Variants in COL5A2 observed in about 807,000 individuals in gnomAD.
The protein encoded by COL5A2 is collagen alpha-2(V) chain.
Under a neutral mutation model 208.2 loss-of-function variants are expected in COL5A2, and 23 were observed. That is an observed-to-expected ratio of 0.11 (90% CI 0.08 to 0.16). The LOEUF (loss-of-function observed/expected upper bound fraction) is 0.16. Among genes scored for constraint, COL5A2 ranks in the 10% least tolerant of loss-of-function variants. The probability of loss-of-function intolerance (pLI) is 1.00; values close to 1 mark genes in which losing one functional copy is unlikely to be tolerated. For synonymous variants in COL5A2, 625 were observed against 628.5 expected (o/e 0.99, Z 0.08); for missense variants, 1,590 against 1,956.4 (o/e 0.81, Z 3.53).
intron 14 of COL5A2, among the ~76,000 whole-genome samples, chr2:189,079,311 T>C (rs1460437172): frequency 2.0e-5 from 3 of 152,136 alleles, no homozygotes; most frequent in East Asian, 1.9e-4. Context: ...TCTAAAATAA[T>C]ATTGGGGACT....
chr2:189,267,794 T>C, the COL5A2 span, among the ~76,000 whole-genome samples: 1 of 152,170 alleles, frequency 6.6e-6, no homozygotes, highest in Non-Finnish European at 1.5e-5. Context: ...ATAAATGGTT[T>C]ACTAAAAGTC....
chr2:189,406,872 G>T, the COL5A2 span, among the ~76,000 whole-genome samples: 1 of 152,058 alleles, frequency 6.6e-6, no homozygotes, highest in Admixed American at 6.6e-5. Flanking sequence ...CACTGAGAGA[G>T]ATGGAGATGT....
chr2:189,271,546 C>A, the COL5A2 span, among the ~76,000 whole-genome samples: 1 of 151,990 alleles, frequency 6.6e-6, no homozygotes, highest in East Asian at 1.9e-4. Flanking sequence ...GACCTAAAAC[C>A]ATAAAAACCC....
intron 1 of COL5A2, among the ~76,000 whole-genome samples, chr2:189,146,891 T>G (rs1033769587): frequency 6.6e-6 from 1 of 152,144 alleles, no homozygotes; most frequent in African/African-American, 2.4e-5. Context: ...CTCTAAAATT[T>G]GACACATCAG....
intron 1 of COL5A2, among the ~76,000 whole-genome samples, chr2:189,139,408 A>C (rs922580096): frequency 6.6e-6 from 1 of 152,168 alleles, no homozygotes; most frequent in Non-Finnish European, 1.5e-5. Context: ...AAAATCATAC[A>C]CATCCTAATT....
the COL5A2 span, among the ~76,000 whole-genome samples, chr2:189,334,340 T>C: frequency 2.6e-5 from 4 of 151,956 alleles, no homozygotes; most frequent in African/African-American, 7.2e-5. Context: ...TTATGGTATA[T>C]GAATAAAACT....
At chr2:189,178,856 A>G (rs1039693255) in intron 1 of COL5A2, among the ~76,000 whole-genome samples, 1 of 152,152 alleles carries the variant, frequency 6.6e-6, no homozygotes, top group Non-Finnish European at 1.5e-5. Context: ...TCAAGCCAGT[A>G]GGGTGGGAAA....
chr2:189,437,105 T>C, the COL5A2 span, among the ~76,000 whole-genome samples: 2 of 152,148 alleles, frequency 1.3e-5, no homozygotes, highest in Admixed American at 1.3e-4. Flanking sequence ...CGCTACTGAT[T>C]ATAAGCAGAA....
chr2:189,192,577 C>T (rs1688944639), intron 1 of COL5A2, among the ~76,000 whole-genome samples: 1 of 152,132 alleles, frequency 6.6e-6, no homozygotes, highest in South Asian at 2.1e-4. Flanking sequence ...TGTTGTCATT[C>T]TCATTACTTA....
the COL5A2 span, among the ~76,000 whole-genome samples, chr2:189,396,454 A>G: frequency 2.0e-5 from 3 of 151,584 alleles, no homozygotes; most frequent in Non-Finnish European, 4.4e-5. Flanking sequence ...CGGGTGAATC[A>G]CGAGGTCAGG....
the COL5A2 span, among the ~76,000 whole-genome samples, chr2:189,290,731 C>CACACACACAT: frequency 1.3e-5 from 2 of 151,144 alleles, no homozygotes; most frequent in African/African-American, 2.4e-5. Context: ...CACACACACA[C>CACACACACAT]ACACACACAC....
In COL5A2 at chr2:189,094,802, G is replaced by T. The variant is rs560013295; in HGVS notation, c.457-2382C>A. Among the ~76,000 whole-genome samples, 40 of 150,254 alleles carry T rather than the reference G, an allele frequency of 2.7e-4. 1 individual carries two copies. Among genetic ancestry groups the T allele is most frequent in the African/African-American group, 9.3e-4 (38 of 41,018 alleles). The stretch of plus-strand genomic sequence containing the variant: ...CTAGCTTGTCACTATGAAGTTATCT[G>T]AACAATACACTTAAAACTGAGGACG... On this transcript the variant is annotated intron_variant, in intron 6 of 53. Coordinates refer to ENST00000374866, the MANE Select transcript of COL5A2 (RefSeq NM_000393.5).
At chr2:189,374,238 A>G in the COL5A2 span, among the ~76,000 whole-genome samples, 1 of 152,126 alleles carries the variant, frequency 6.6e-6, no homozygotes, top group Non-Finnish European at 1.5e-5. Context: ...GGTTTCTCTA[A>G]ATACTGAATT....
At chr2:189,414,643 G>A in the COL5A2 span, among the ~76,000 whole-genome samples, 1 of 150,576 alleles carries the variant, frequency 6.6e-6, no homozygotes, top group Non-Finnish European at 1.5e-5. Context: ...CCAACTACTC[G>A]AAGGCTGAGG....
chr2:189,439,178 C>T, the COL5A2 span, among the ~76,000 whole-genome samples: 1 of 152,150 alleles, frequency 6.6e-6, no homozygotes, highest in Non-Finnish European at 1.5e-5. Flanking sequence ...CTTTGAGTTT[C>T]CCCTTGGCAC....
At chr2:189,378,035 T>A in the COL5A2 span, among the ~76,000 whole-genome samples, 7 of 152,172 alleles carry the variant, frequency 4.6e-5, no homozygotes, top group Non-Finnish European at 7.3e-5. Context: ...AGCAACGAGC[T>A]GCTTGTAATT....
the COL5A2 span, among the ~76,000 whole-genome samples, chr2:189,427,949 C>G: frequency 6.6e-6 from 1 of 152,290 alleles, no homozygotes; most frequent in South Asian, 2.1e-4. Context: ...TACCCAATGC[C>G]TTTACCCCCA....
chr2:189,283,094 A>G, the COL5A2 span, among the ~76,000 whole-genome samples: 1 of 152,156 alleles, frequency 6.6e-6, no homozygotes, highest in Non-Finnish European at 1.5e-5. Flanking sequence ...TTTTTAGTTA[A>G]ATATGAAGGG....
chr2:189,084,060 G>A, intron 11 of COL5A2, 23 bp from the exon 12 acceptor site: 1 of 1,562,290 alleles, frequency 6.4e-7, no homozygotes, highest in Non-Finnish European at 8.8e-7. Flanking sequence ...AAATGTAGGA[G>A]ATTGGGAAGG....
Sources: allele counts gnomAD v4.1 joint callset (sites outside exome capture counted in the v4.1 genomes callset), GRCh38; gene constraint gnomAD v4.1.1; transcripts MANE v1.5; gene names NCBI Gene and HGNC (gene_info 2026-07-23, HGNC 2026-07-21).